Variants in ZFHX2 observed in about 807,000 individuals in gnomAD.
The protein encoded by ZFHX2 is zinc finger homeobox 2.
ZFHX2 carries 75 observed loss-of-function variants against 164.8 expected under a neutral mutation model. The ratio of observed to expected loss-of-function variants is 0.46; its 90% CI spans 0.38 to 0.55. ZFHX2 has a LOEUF of 0.55. Among genes scored for constraint, ZFHX2 ranks in the 20% least tolerant of loss-of-function variants. The pLI is 0.00. For missense variants in ZFHX2, 2,933 were observed against 3,308.0 expected, an observed-to-expected ratio of 0.89 and a Z score of 2.78; for synonymous variants, 1,217 against 1,351.4, an observed-to-expected ratio of 0.90 and a Z score of 2.18.
intron 6 of ZFHX2, among the ~76,000 whole-genome samples, chr14:23,528,192 A>AGAGAG (rs1566579504): frequency 2.0e-5 from 3 of 152,288 alleles, no homozygotes; most frequent in African/African-American, 7.2e-5. Context: ...TACAGGCGTG[A>AGAGAG]GCCACCACGC....
chr14:23,535,275 C>T lies in ZFHX2; in HGVS notation c.51G>A (p.Gly17=), dbSNP rs368195600. Residue 17 remains glycine, a synonymous_variant, in exon 2 of 10, where the codon GGG becomes GGA. Transcript: ENST00000419474. The surrounding 1 kb of genome is among the most constrained non-coding windows in gnomAD (Gnocchi z 4.5). ...CCGAAGGCAGGGACGGGGCATTGTGCCCAGGGGAGGGGGTGGTACCAGTGG... is the reference window on the plus strand; with the variant it reads ...CCGAAGGCAGGGACGGGGCATTGTGTCCAGGGGAGGGGGTGGTACCAGTGG... ...ASTTGTTPSP[G]HNAPSLPSDT... is the part of the protein sequence containing the mutation. 2.0e-5 allele frequency: 30 copies of T among 1,491,014 alleles called. No individual in the cohort carries two copies. Among genetic ancestry groups the T allele is most frequent in the African/African-American group, 1.4e-4 (10 of 72,188 alleles). The allele number at this position is 1,491,014 out of a possible 1,614,324, so 92.4% of individuals were successfully genotyped here.
chr14:23,522,612 C>T lies in ZFHX2; in HGVS notation c.7069G>A (p.Ala2357Thr). ...PFPLPPAGGT[A>T]PPAVFGPQLQ... ...TGGGGGCCAAAGACAGCTGGCGGTG[C>T]TGTTCCCCCAGCAGGGGGCAATGGA... Residue 2357 changes from alanine to threonine, a missense_variant, in exon 10 of 10, where the codon GCA (alanine) becomes ACA (threonine). Transcript: ENST00000419474. 2.0e-6 allele frequency: 3 copies of T among 1,532,156 alleles called. No individual in the cohort carries two copies. Among genetic ancestry groups the T allele is most frequent in the Non-Finnish European group, 2.6e-6 (3 of 1,144,220 alleles). The allele number at this position is 1,532,156 out of a possible 1,614,324, so 94.9% of individuals were successfully genotyped here. A position where few individuals can be genotyped will look rare whatever the true frequency, so the allele number is the denominator to read the frequency against.
intron 1 of ZFHX2, among the ~76,000 whole-genome samples, chr14:23,547,096 TGTG>T (rs1046539274): frequency 6.6e-6 from 1 of 152,226 alleles, no homozygotes; most frequent in Non-Finnish European, 1.5e-5. Flanking sequence ...CTCTGAGAGT[TGTG>T]GTGAGTTTTA....
Position 23,531,658 on chromosome 14 carries a change from A to G in ZFHX2, c.2623T>C (p.Cys875Arg), listed in dbSNP as rs1448877074. The G allele has an allele frequency of 6.6e-7, 1 of 1,505,806 alleles. No homozygotes were observed. The highest frequency in any genetic ancestry group is 8.9e-7 in the Non-Finnish European group (1 of 1,128,826). 93.3% of individuals were successfully genotyped at this position (1,505,806 alleles called of 1,614,324 possible). A position where few individuals can be genotyped will look rare whatever the true frequency, so the allele number is the denominator to read the frequency against. The change falls in exon 4 of 10, where the codon TGT becomes CGT. Residue 875 changes from cysteine to arginine, a missense_variant. By Grantham distance (180) the Cys-to-Arg change is radical. Transcript: ENST00000419474. ...AELGLYHCLL[C>R]AWETPSRLAV... ...AAGCGGGAGGGTGTCTCCCACGCAC[A>G]CAACAGGCAGTGGTATAGCCCCAGC...
intron 4 of ZFHX2, 68 bp downstream of exon 4, chr14:23,531,412 GC>G (rs1414726637): frequency 3.7e-5 from 49 of 1,336,032 alleles, no homozygotes; most frequent in Middle Eastern, 3.9e-4. Flanking sequence ...TAACTCCGCA[GC>G]CCCCCTGCTC....
rs1878465689 is a variant in ZFHX2 at position 23,524,586 on chromosome 14, T to A, written c.5356A>T (p.Ser1786Cys). ...GGCAGGAAATGTAGTCGGCGGTGACTGGTCAGGAGGTCCTGGCTGGAGAAA... is the reference window on the plus strand; with the variant it reads ...GGCAGGAAATGTAGTCGGCGGTGACAGGTCAGGAGGTCCTGGCTGGAGAAA... Reference protein sequence around the residue: ...ISFSSQDLLTSHRRLHFLPSL... With the variant: ...ISFSSQDLLTCHRRLHFLPSL... The change falls in exon 9 of 10, where the codon AGT (serine) becomes TGT (cysteine). Residue 1786 changes from serine (S) to cysteine (C), a missense_variant. By Grantham distance (112) the Ser-to-Cys change is moderately radical (BLOSUM62 -1). Coordinates refer to ENST00000419474, the MANE Select transcript of ZFHX2 (RefSeq NM_033400.3). This position sits in a 1 kb window ranked among gnomAD's most constrained non-coding sequence, Gnocchi z 5.6. The A allele has an allele frequency of 6.5e-7, 1 of 1,535,728 alleles. No individual in the cohort carries two copies. Among genetic ancestry groups the A allele is most frequent in the Non-Finnish European group, 8.7e-7 (1 of 1,146,514 alleles).
upstream of ZFHX2, among the ~76,000 whole-genome samples, chr14:23,553,377 A>T (rs1394530261): frequency 6.6e-6 from 1 of 151,956 alleles, no homozygotes; most frequent in Non-Finnish European, 1.5e-5. Flanking sequence ...AGGTGGGTAG[A>T]TCACCTGAGG....
chr14:23,524,785 T>C lies in ZFHX2; in HGVS notation c.5157A>G (p.Val1719=). The C allele has an allele frequency of 6.5e-7, 1 of 1,536,666 alleles. No individual in the cohort carries two copies. The highest frequency in any genetic ancestry group is 8.7e-7 in the Non-Finnish European group (1 of 1,147,030). ...GAGGTTCAAGGCCCTGTTCCTCCTCTACTTCTTCTTCTTCCACCTCTTCCT... is the reference window on the plus strand; with the variant it reads ...GAGGTTCAAGGCCCTGTTCCTCCTCCACTTCTTCTTCTTCCACCTCTTCCT... ...EEEEEVEEEE[V]EEEQGLEPPA... is the part of the protein sequence containing the mutation. Residue 1719 remains valine, a synonymous_variant, in exon 9 of 10, where the codon GTA becomes GTG. Transcript: ENST00000419474. This position sits in a 1 kb window ranked among gnomAD's most constrained non-coding sequence, Gnocchi z 5.6.
In ZFHX2 at chr14:23,529,727, T is replaced by C. The variant is rs1357907820; in HGVS notation, c.2917A>G (p.Ser973Gly). Reference protein sequence around the residue: ...TENKTGPSRDSANQTTVYCCP... With the variant: ...TENKTGPSRDGANQTTVYCCP... ...ATTCTGACCGTGGTCTGGTTGGCAC[T>C]GTCTCTGGAAGGGCCAGTCTTGTTT... Residue 973 changes from serine (S) to glycine (G), a missense_variant, in exon 6 of 10, where the codon AGT becomes GGT. Physicochemically the swap from Ser to Gly is moderately conservative, Grantham distance 56 (BLOSUM62 0). Transcript: ENST00000419474. 2.6e-6 allele frequency: 4 copies of C among 1,536,144 alleles called. No homozygotes were observed. The African/African-American group carries it at 5.5e-5, about 21-fold the overall frequency.
chr14:23,536,641 G>T (rs968070806), intron 1 of ZFHX2, among the ~76,000 whole-genome samples: 2 of 152,188 alleles, frequency 1.3e-5, no homozygotes, highest in South Asian at 2.1e-4. Context: ...TAATCTCACA[G>T]CAACCTTATT....
At position 23,524,633 on chromosome 14, in the gene ZFHX2, G is replaced by A; in HGVS notation, c.5309C>T (p.Thr1770Ile). 9 of 1,536,452 alleles carry A rather than the reference G, an allele frequency of 5.9e-6. No homozygotes were observed. The Middle Eastern group carries it at 5.0e-4, about 86-fold the overall frequency. ...GAAAGAAATGGCACACTGGTCACAG[G>A]TATGGGCTGGGGAAGGTGATGGAGT... Reference protein sequence around the residue: ...KATPSPSPAHTCDQCAISFSS... With the variant: ...KATPSPSPAHICDQCAISFSS... The change falls in exon 9 of 10, where the codon ACC becomes ATC. Residue 1770 changes from threonine (T) to isoleucine (I), a missense_variant. Transcript: ENST00000419474. This position sits in a 1 kb window ranked among gnomAD's most constrained non-coding sequence, Gnocchi z 5.6.
At chr14:23,538,254 CCCT>C (rs1424809590) in intron 1 of ZFHX2, 1 of 152,104 alleles carries the variant, frequency 6.6e-6, no homozygotes, top group Non-Finnish European at 1.5e-5. Flanking sequence ...CCCAACCTAA[CCCT>C]CCTCCTCTTT....
At chr14:23,549,574 T>C (rs1265291727) in intron 1 of ZFHX2, among the ~76,000 whole-genome samples, 1 of 151,606 alleles carries the variant, frequency 6.6e-6, no homozygotes, top group African/African-American at 2.4e-5. Flanking sequence ...CTAAATATGA[T>C]AGTAGCAGGG....
chr14:23,533,940 G>A lies in ZFHX2; in HGVS notation c.1386C>T (p.Tyr462=). ...GCACATCCAGGGTCTGCTGGTACTT[G>A]TAGTGCCAGTTGCACTTGGGACACT... ...TLKCPKCNWH[Y]KYQQTLDVHM... is the part of the protein sequence containing the mutation. Residue 462 remains tyrosine, a synonymous_variant, in exon 2 of 10, where the codon TAC becomes TAT. Transcript: ENST00000419474. This position sits in a 1 kb window ranked among gnomAD's most constrained non-coding sequence, Gnocchi z 4.8. The A allele has an allele frequency of 7.2e-6, 11 of 1,538,082 alleles. No individual in the cohort carries two copies. The highest frequency in any genetic ancestry group is 4.9e-5 in the East Asian group (2 of 40,926).
At position 23,529,701 on chromosome 14, in the gene ZFHX2, A is replaced by T. The variant is rs1185197571; in HGVS notation, c.2934+9T>A. The T allele has an allele frequency of 1.3e-6, 2 of 1,535,924 alleles. No individual in the cohort carries two copies. The highest frequency in any genetic ancestry group is 1.7e-6 in the Non-Finnish European group (2 of 1,146,816). On this transcript the variant is annotated intron_variant, in intron 6 of 9. Transcript: ENST00000419474. ...CACTTCAGCTCTTCCCAGTTACCCCAATTCTGACCGTGGTCTGGTTGGCAC... is the reference window on the plus strand; with the variant it reads ...CACTTCAGCTCTTCCCAGTTACCCCTATTCTGACCGTGGTCTGGTTGGCAC...
intron 7 of ZFHX2, 125 bp downstream of exon 7, chr14:23,527,479 C>G (rs986168427): frequency 2.9e-4 from 366 of 1,256,308 alleles, no homozygotes; most frequent in Non-Finnish European, 3.2e-4. Flanking sequence ...AGCCAACACA[C>G]GCACTTGCCT....
intron 1 of ZFHX2, among the ~76,000 whole-genome samples, chr14:23,550,804 C>T (rs1277884738): frequency 6.6e-6 from 1 of 152,172 alleles, no homozygotes; most frequent in Non-Finnish European, 1.5e-5. Flanking sequence ...CGAACGAAGA[C>T]TGAGAGTATC....
At chr14:23,552,882 G>C (rs1174849980), upstream of ZFHX2, among the ~76,000 whole-genome samples, 1 of 152,164 alleles carries the variant, frequency 6.6e-6, no homozygotes, top group African/African-American at 2.4e-5. Context: ...GATTATAGGG[G>C]TGATCCACCT....
rs745574496 is a variant in ZFHX2 at position 23,527,901 on chromosome 14, C to CTT, written c.2935-99_2935-98dup. On this transcript the variant is annotated intron_variant, in intron 6 of 9. Transcript: ENST00000419474. ...ATGCAGCACTGGCCCGCCCCCACTC[C>CTT]TTTTTTTTTTTTTTTTTTTTTTTTA... The CTT allele has an allele frequency of 5.4e-3, 2,390 of 446,448 alleles. 6 individuals are homozygous for CTT. The highest frequency in any genetic ancestry group is 0.01 in the African/African-American group (362 of 36,158). The allele number at this position is 446,448 out of a possible 1,614,324, so 27.7% of individuals were successfully genotyped here. A position where few individuals can be genotyped will look rare whatever the true frequency, so the allele number is the denominator to read the frequency against.
Sources: gnomAD v4.1 joint callset for allele counts (sites outside exome capture counted in the v4.1 genomes callset) on GRCh38, gnomAD v4.1.1 for gene constraint, Gnocchi (gnomAD v3.1) non-coding constraint, MANE v1.5 for transcripts, NCBI Gene and HGNC (gene_info 2026-07-23, HGNC 2026-07-21) for gene names.